The following INPP4B variants were observed in gnomAD, a reference collection of about 807,000 sequenced individuals.
INPP4B encodes the protein inositol polyphosphate-4-phosphatase type II B, also known as inositol polyphosphate 4-phosphatase type II.
In INPP4B, 55 loss-of-function variants were observed where a neutral mutation model predicts 122.5. That is an observed-to-expected ratio of 0.45 (90% CI 0.36 to 0.56). INPP4B has a LOEUF of 0.56. INPP4B is among the 20% of genes least tolerant of loss of function. The pLI is 0.00. For missense variants in INPP4B, 1,000 were observed against 1,097.7 expected (o/e 0.91, Z 1.26); for synonymous variants, 403 against 388.7 (o/e 1.04, Z -0.43).
intron 6 of INPP4B, among the ~76,000 whole-genome samples, chr4:142,404,956 C>G (rs1409736073): frequency 6.6e-6 from 1 of 151,616 alleles, no homozygotes; most frequent in Admixed American, 6.6e-5. Flanking sequence ...AAAAAAAAGA[C>G]AAGTTATTTT....
chr4:142,195,095 C>T (rs918180535), intron 14 of INPP4B, among the ~76,000 whole-genome samples: 1 of 152,172 alleles, frequency 6.6e-6, no homozygotes, highest in African/African-American at 2.4e-5. Context: ...TACAGAATGA[C>T]TAAAAATATT....
chr4:142,664,491 C>G (rs556638706), intron 2 of INPP4B, among the ~76,000 whole-genome samples: 1 of 152,132 alleles, frequency 6.6e-6, no homozygotes, highest in Non-Finnish European at 1.5e-5. Flanking sequence ...GATACTAGAT[C>G]ATTTCTAACA....
At chr4:142,817,418 G>A (rs1392878269) in intron 1 of INPP4B, among the ~76,000 whole-genome samples, 2 of 152,084 alleles carry the variant, frequency 1.3e-5, no homozygotes, top group Non-Finnish European at 2.9e-5. Flanking sequence ...CTTTCTCCTC[G>A]ATTATCCAAG....
At chr4:142,229,660 A>C (rs113986638) in intron 12 of INPP4B, among the ~76,000 whole-genome samples, 5,221 of 152,278 alleles carry the variant, frequency 0.034, 290 homozygotes, top group African/African-American at 0.12. Flanking sequence ...AAGGAAGTAC[A>C]AATAGAGATG....
intron 7 of INPP4B, among the ~76,000 whole-genome samples, chr4:142,354,832 C>T (rs868379311): frequency 4.3e-4 from 66 of 152,002 alleles, no homozygotes; most frequent in Admixed American, 3.5e-3. Context: ...AACTAACATA[C>T]GGCTAGTTAT....
At chr4:142,193,239 T>G in intron 14 of INPP4B, 44 bp from the exon 15 acceptor site, 3 of 1,104,886 alleles carry the variant, frequency 2.7e-6, no homozygotes, top group Non-Finnish European at 2.8e-6. Context: ...TGCAAACATT[T>G]ATCTCCGTCA....
chr4:142,263,939 A>C (rs372479112), intron 10 of INPP4B, among the ~76,000 whole-genome samples: 1 of 151,926 alleles, frequency 6.6e-6, no homozygotes, highest in Non-Finnish European at 1.5e-5. Flanking sequence ...AACAAGGAAG[A>C]CAATGTGACT....
chr4:142,773,339 C>T (rs899708392), intron 1 of INPP4B, among the ~76,000 whole-genome samples: 5 of 152,052 alleles, frequency 3.3e-5, no homozygotes, highest in Admixed American at 3.3e-4. Context: ...GTATGCAAAC[C>T]ACTGCCAACA....
At chr4:142,253,643 C>T (rs1489096869) in intron 11 of INPP4B, among the ~76,000 whole-genome samples, 3 of 152,166 alleles carry the variant, frequency 2.0e-5, no homozygotes, top group Admixed American at 6.5e-5. Context: ...TGTGCTTTTC[C>T]GACGGGCTTA....
At chr4:142,567,369 G>GTCGCTGA (rs1731840884) in intron 2 of INPP4B, among the ~76,000 whole-genome samples, 1 of 152,120 alleles carries the variant, frequency 6.6e-6, no homozygotes, top group African/African-American at 2.4e-5. Context: ...CAGGGCAGAT[G>GTCGCTGA]TCGCTGATCA....
At chr4:142,520,682 TAA>T (rs1362751159) in intron 2 of INPP4B, among the ~76,000 whole-genome samples, 1 of 151,964 alleles carries the variant, frequency 6.6e-6, no homozygotes, top group Non-Finnish European at 1.5e-5. Flanking sequence ...TTAAAAGGGT[TAA>T]GTTATTTTAC....
At chr4:142,053,630 C>T (rs185431585) in intron 25 of INPP4B, among the ~76,000 whole-genome samples, 13 of 152,100 alleles carry the variant, frequency 8.5e-5, no homozygotes, top group East Asian at 1.9e-4. Flanking sequence ...TTAGATATGC[C>T]GGAGTGTTTC....
chr4:142,173,472 C>A (rs1410474822), intron 16 of INPP4B, among the ~76,000 whole-genome samples, 160 bp downstream of exon 16: 1 of 151,324 alleles, frequency 6.6e-6, no homozygotes, highest in Non-Finnish European at 1.5e-5. Context: ...GAGAATGAGG[C>A]CAATTCATTT....
intron 15 of INPP4B, among the ~76,000 whole-genome samples, chr4:142,190,114 G>A (rs1283806080): frequency 6.6e-6 from 1 of 152,076 alleles, no homozygotes; most frequent in Non-Finnish European, 1.5e-5. Context: ...ATAAACAAAG[G>A]TGAAATAGTA....
chr4:142,663,732 A>T (rs913826372), intron 2 of INPP4B, among the ~76,000 whole-genome samples: 1 of 152,130 alleles, frequency 6.6e-6, no homozygotes, highest in African/African-American at 2.4e-5. Flanking sequence ...AGACCATTTT[A>T]ATTGTGTTTT....
In INPP4B at chr4:142,777,795, G is replaced by A. The variant is rs193264305; in HGVS notation, c.-253-51894C>T. Reference sequence around the variant, plus strand: ...CAAAGTTCTGGCTGTGTCTGCCCTGGGGCTCTCTATCTCTACATCTGCTTT... The same window carrying A: ...CAAAGTTCTGGCTGTGTCTGCCCTGAGGCTCTCTATCTCTACATCTGCTTT... On this transcript the variant is annotated intron_variant, in intron 1 of 25. Transcript: ENST00000262992. Among the ~76,000 whole-genome samples, 432 of 152,218 alleles carry A rather than the reference G, an allele frequency of 2.8e-3. 2 individuals carry two copies. Among genetic ancestry groups the A allele is most frequent in the African/African-American group, 9.8e-3 (408 of 41,540 alleles).
chr4:142,312,782 T>C (rs1766028708), intron 8 of INPP4B, among the ~76,000 whole-genome samples: 2 of 152,236 alleles, frequency 1.3e-5, no homozygotes, highest in South Asian at 4.1e-4. Flanking sequence ...GCAATTATGC[T>C]ATGGAGAGAA....
intron 5 of INPP4B, among the ~76,000 whole-genome samples, chr4:142,420,169 TG>T (rs1806568074): frequency 6.6e-6 from 1 of 152,126 alleles, no homozygotes; most frequent in Admixed American, 6.6e-5. Context: ...TAATCCATGT[TG>T]AATAATCAAT....
At chr4:142,659,891 C>T (rs1403444619) in intron 2 of INPP4B, among the ~76,000 whole-genome samples, 1 of 151,552 alleles carries the variant, frequency 6.6e-6, no homozygotes, top group Non-Finnish European at 1.5e-5. Context: ...CACCCCCACC[C>T]GTGAGATACA....
Sources: gnomAD v4.1 joint callset for allele counts (sites outside exome capture counted in the v4.1 genomes callset) on GRCh38, gnomAD v4.1.1 for gene constraint, MANE v1.5 for transcripts, NCBI Gene and HGNC (gene_info 2026-07-23, HGNC 2026-07-21) for gene names.